ZBTB34: variants seen among roughly 807,000 people sequenced by gnomAD.
The protein encoded by ZBTB34 is zinc finger and BTB domain containing 34, also known as zinc finger and BTB domain-containing protein 34.
In ZBTB34, 1 loss-of-function variant was observed where a neutral mutation model predicts 33.4. That is an observed-to-expected ratio of 0.03 (90% CI 0.01 to 0.14). The LOEUF (loss-of-function observed/expected upper bound fraction) is 0.14. ZBTB34 is among the 10% of genes least tolerant of loss of function. The probability of loss-of-function intolerance (pLI) is 1.00; values close to 1 mark genes in which losing one functional copy is unlikely to be tolerated. For synonymous variants in ZBTB34, 283 were observed against 253.5 expected (o/e 1.12, Z -1.11); for missense variants, 406 against 657.2 (o/e 0.62, Z 4.18).
At chr9:126,881,718 A>G (rs1010775947) in exon 2 of ZBTB34, 1 of 167,062 alleles carries the variant, frequency 6.0e-6, no homozygotes, top group African/African-American at 2.4e-5. Context: ...GGTAAGCTGG[A>G]TGACCTGTGG....
Position 126,862,978 on chromosome 9 carries a change from T to C in ZBTB34, c.-11+2239T>C, listed in dbSNP as rs556281264. On this transcript the variant is annotated intron_variant, in intron 1 of 1. Transcript: ENST00000319119. The stretch of plus-strand genomic sequence containing the variant: ...TTCTGTGTCATAGATAAGTGATATG[T>C]AATGCTACCATTCAAGGTGGATGTT... 3.3e-5 allele frequency among the ~76,000 whole-genome samples: 5 copies of C among 152,186 alleles called. No homozygotes were observed. The East Asian group carries it at 9.6e-4, about 29-fold the overall frequency.
chr9:126,862,190 A>C (rs1406563099), intron 1 of ZBTB34, among the ~76,000 whole-genome samples: 2 of 152,134 alleles, frequency 1.3e-5, no homozygotes, highest in African/African-American at 4.8e-5. Context: ...GGAAAAGAGG[A>C]ATCAGGCCCA....
Position 126,880,477 on chromosome 9 carries a change from C to A in ZBTB34, c.1078C>A (p.Pro360Thr). 1 of 1,613,700 alleles carries A rather than the reference C, an allele frequency of 6.2e-7. No homozygotes were observed. Among genetic ancestry groups the A allele is most frequent in the Non-Finnish European group, 8.5e-7 (1 of 1,179,872 alleles). The stretch of plus-strand genomic sequence containing the variant: ...GAACAACCCCGGGTATGAGAGCAGT[C>A]CCCGGGAGAGGAGTGCGAGAGGGCA... Residue 360 changes from proline (P) to threonine (T), a missense_variant, in exon 2 of 2, where the codon CCC becomes ACC. By Grantham distance (38) the Pro-to-Thr change is conservative. Around this residue, in one of 6 missense-constraint regions of ZBTB34, gnomAD observed 123 missense variants for 140.4 expected, o/e 0.88. Coordinates refer to ENST00000319119, the Ensembl canonical transcript of ZBTB34. This position sits in a 1 kb window ranked among gnomAD's most constrained non-coding sequence, Gnocchi z 6.7.
chr9:126,867,674 C>A (rs1346176657), intron 1 of ZBTB34, among the ~76,000 whole-genome samples: 1 of 150,574 alleles, frequency 6.6e-6, no homozygotes, highest in Non-Finnish European at 1.5e-5. Flanking sequence ...TTTGTCTTTG[C>A]CTTTGTGGCG....
intron 1 of ZBTB34, among the ~76,000 whole-genome samples, chr9:126,878,339 G>A (rs546177323): frequency 1.3e-5 from 2 of 151,726 alleles, no homozygotes; most frequent in Admixed American, 6.6e-5. Context: ...GCATGGTAGC[G>A]CATGCCTGTA....
At chr9:126,871,334 C>T (rs1369965322) in intron 1 of ZBTB34, among the ~76,000 whole-genome samples, 1 of 148,854 alleles carries the variant, frequency 6.7e-6, no homozygotes, top group African/African-American at 2.5e-5. Context: ...AATAGGTCAG[C>T]GTGTATGTGC....
At chr9:126,870,698 G>A (rs2033265305) in intron 1 of ZBTB34, among the ~76,000 whole-genome samples, 1 of 152,186 alleles carries the variant, frequency 6.6e-6, no homozygotes, top group Admixed American at 6.5e-5. Flanking sequence ...AGGCCGAGGT[G>A]GGTGGATCAT....
intron 1 of ZBTB34, among the ~76,000 whole-genome samples, chr9:126,862,113 G>A (rs2033150242): frequency 6.6e-6 from 1 of 152,262 alleles, no homozygotes; most frequent in East Asian, 1.9e-4. Context: ...TAGGCCGAGT[G>A]GTTAGGGAGG....
At chr9:126,867,447 C>CTTT (rs201325256) in intron 1 of ZBTB34, among the ~76,000 whole-genome samples, 3 of 119,510 alleles carry the variant, frequency 2.5e-5, no homozygotes, top group South Asian at 2.8e-4. Context: ...TGTCATTTTT[C>CTTT]TTTTTTTTTT....
At chr9:126,865,456 C>T (rs1285764209) in intron 1 of ZBTB34, among the ~76,000 whole-genome samples, 1 of 152,184 alleles carries the variant, frequency 6.6e-6, no homozygotes, top group African/African-American at 2.4e-5. Flanking sequence ...TACATTTTTA[C>T]TTTTGTTCTG....
chr9:126,875,031 T>G (rs752978395), intron 1 of ZBTB34, among the ~76,000 whole-genome samples: 11 of 152,236 alleles, frequency 7.2e-5, no homozygotes, highest in Non-Finnish European at 1.6e-4. Flanking sequence ...ATTTGTCTAT[T>G]TCTAAAATTT....
rs1243327484 is a variant in ZBTB34 at position 126,880,659 on chromosome 9, G to A, written c.1260G>A (p.Glu420=). 17 of 1,613,758 alleles carry A rather than the reference G, an allele frequency of 1.1e-5. No individual in the cohort carries two copies. Among genetic ancestry groups the A allele is most frequent in the African/African-American group, 2.7e-5 (2 of 74,926 alleles). ...AGTACACACGGAAGGACCAACTGGAGTACCACATCCGGGGCCATACAGATG... is the reference window on the plus strand; with the variant it reads ...AGTACACACGGAAGGACCAACTGGAATACCACATCCGGGGCCATACAGATG... Residue 420 remains glutamate, a synonymous_variant, in exon 2 of 2, where the codon GAG becomes GAA. Transcript: ENST00000319119. The surrounding 1 kb of genome is among the most constrained non-coding windows in gnomAD (Gnocchi z 6.7).
At chr9:126,874,325 C>G (rs1369993004) in intron 1 of ZBTB34, among the ~76,000 whole-genome samples, 1 of 151,928 alleles carries the variant, frequency 6.6e-6, no homozygotes, top group East Asian at 1.9e-4. Context: ...GCTGGGATTA[C>G]AGGCGTGAGC....
chr9:126,867,799 T>G (rs1400280616), intron 1 of ZBTB34, among the ~76,000 whole-genome samples: 3 of 151,494 alleles, frequency 2.0e-5, no homozygotes, highest in African/African-American at 7.3e-5. Flanking sequence ...CTTTTTAAAA[T>G]ACTGGCATAG....
At chr9:126,867,654 G>T (rs1376817913) in intron 1 of ZBTB34, among the ~76,000 whole-genome samples, 1 of 151,160 alleles carries the variant, frequency 6.6e-6, no homozygotes, top group South Asian at 2.1e-4. Flanking sequence ...CTTTTACGTT[G>T]TCGAATGTAT....
At chr9:126,866,892 C>T (rs1353323012) in intron 1 of ZBTB34, among the ~76,000 whole-genome samples, 1 of 152,140 alleles carries the variant, frequency 6.6e-6, no homozygotes, top group Non-Finnish European at 1.5e-5. Flanking sequence ...ATTAATAGTA[C>T]CACGTGGTTC....
At chr9:126,884,308 A>T (rs1027678173) in exon 2 of ZBTB34, 2 of 167,032 alleles carry the variant, frequency 1.2e-5, no homozygotes, top group East Asian at 3.8e-4. Flanking sequence ...TTTTCATTCT[A>T]ATCAGTTCTC....
In ZBTB34 at chr9:126,879,998, A is replaced by G; in HGVS notation, c.599A>G (p.Glu200Gly). Residue 200 changes from glutamate to glycine, a missense_variant, in exon 2 of 2, where the codon GAG (glutamate) becomes GGG (glycine). This residue lies in a region of ZBTB34 where 137 missense variants were observed against 173.0 expected (regional missense o/e 0.79). Coordinates refer to ENST00000319119, the Ensembl canonical transcript of ZBTB34. This position sits in a 1 kb window ranked among gnomAD's most constrained non-coding sequence, Gnocchi z 6.4. ...AAAGCTTTGCGCAGCCGCTTACAGG[A>G]GGAGGGGCACTCAGACCGCGGGAGC... The G allele has an allele frequency of 6.2e-7, 1 of 1,613,466 alleles. No individual in the cohort carries two copies.
Position 126,880,089 on chromosome 9 carries a change from G to T in ZBTB34, c.690G>T (p.Val230=), listed in dbSNP as rs747824156. Residue 230 remains valine (V), a synonymous_variant, in exon 2 of 2, where the codon GTG becomes GTT. Coordinates refer to ENST00000319119, the Ensembl canonical transcript of ZBTB34. The surrounding 1 kb of genome is among the most constrained non-coding windows in gnomAD (Gnocchi z 6.7). Reference sequence around the variant, plus strand: ...ACCATGAGCAAGGAGACCTATTGGTGAGGGAGAGCCAGATCACCGAGGTGA... The same window carrying T: ...ACCATGAGCAAGGAGACCTATTGGTTAGGGAGAGCCAGATCACCGAGGTGA... 1 of 1,613,750 alleles carries T rather than the reference G, an allele frequency of 6.2e-7. No individual in the cohort carries two copies. Among genetic ancestry groups the T allele is most frequent in the Non-Finnish European group, 8.5e-7 (1 of 1,179,888 alleles).
Sources: gnomAD v4.1 joint callset for allele counts (sites outside exome capture counted in the v4.1 genomes callset) on GRCh38, gnomAD v4.1.1 for gene constraint, gnomAD v4.1.1 regional missense constraint, Gnocchi (gnomAD v3.1) non-coding constraint, MANE v1.5 for transcripts, NCBI Gene and HGNC (gene_info 2026-07-23, HGNC 2026-07-21) for gene names.